SRC: variants seen among roughly 807,000 people sequenced by gnomAD.
SRC encodes the protein proto-oncogene tyrosine-protein kinase Src.
In SRC, 13 loss-of-function variants were observed where a neutral mutation model predicts 62.9. That is an observed-to-expected ratio of 0.21 (90% CI 0.13 to 0.33). The LOEUF is 0.33. Among genes scored for constraint, SRC ranks in the 10% least tolerant of loss-of-function variants. SRC has a pLI of 1.00. For synonymous variants in SRC, 302 were observed against 317.5 expected (o/e 0.95, Z 0.52); for missense variants, 457 against 737.3 (o/e 0.62, Z 4.40).
intron 5 of SRC, 89 bp downstream of exon 5, chr20:37,386,263 A>G (rs2070453787): frequency 7.9e-7 from 1 of 1,267,670 alleles, no homozygotes; most frequent in Non-Finnish European, 1.2e-6. Flanking sequence ...GCATCAGGGC[A>G]GCACAGTGCA....
Position 37,403,665 on chromosome 20 carries a change from G to A in SRC, c.*286G>A. On this transcript the variant is annotated 3_prime_UTR_variant, in exon 14 of 14. Coordinates refer to ENST00000373578, the MANE Select transcript of SRC (RefSeq NM_198291.3). The surrounding 1 kb of genome is among the most constrained non-coding windows in gnomAD (Gnocchi z 7.1). The stretch of plus-strand genomic sequence containing the variant: ...CCTGGAGCTCTGTGGGTCTCTGGAA[G>A]AGGAACCAGGAGAAGGGCTGGGGCC... 2 of 473,518 alleles carry A rather than the reference G, an allele frequency of 4.2e-6. No individual in the cohort carries two copies. Among genetic ancestry groups the A allele is most frequent in the Non-Finnish European group, 7.7e-6 (2 of 260,066 alleles). 29.3% of individuals were successfully genotyped at this position (473,518 alleles called of 1,614,324 possible).
chr20:37,373,233 T>C (rs533705336), intron 2 of SRC, among the ~76,000 whole-genome samples: 17 of 137,514 alleles, frequency 1.2e-4, no homozygotes, highest in Admixed American at 7.7e-4. Flanking sequence ...CGTACACACA[T>C]GCACATATGT....
intron 2 of SRC, among the ~76,000 whole-genome samples, chr20:37,374,571 CTTTTTTTTTTTT>C (rs71187927): frequency 1.1e-5 from 1 of 88,964 alleles, no homozygotes; most frequent in East Asian, 3.6e-4. Flanking sequence ...TAATAATACT[CTTTTTTTTTTTT>C]TTTTTTTTTG....
At chr20:37,365,866 G>A (rs907412624) in intron 2 of SRC, among the ~76,000 whole-genome samples, 7 of 152,018 alleles carry the variant, frequency 4.6e-5, no homozygotes, top group African/African-American at 1.7e-4. Flanking sequence ...TTATAGGTAT[G>A]AGCCATCATC....
At chr20:37,385,293 C>G (rs1410732423) in intron 4 of SRC, among the ~76,000 whole-genome samples, 1 of 152,320 alleles carries the variant, frequency 6.6e-6, no homozygotes, top group East Asian at 1.9e-4. Flanking sequence ...ACCCTTCAGA[C>G]GCAGACGCAC....
intron 2 of SRC, among the ~76,000 whole-genome samples, chr20:37,373,248 ACG>A (rs543680107): frequency 0.23 from 33,518 of 144,812 alleles, 5,384 homozygotes; most frequent in African/African-American, 0.47. Flanking sequence ...ATATGTACAC[ACG>A]CACACACATG....
At chr20:37,394,520 T>A (rs1202125954) in intron 7 of SRC, among the ~76,000 whole-genome samples, 1 of 152,144 alleles carries the variant, frequency 6.6e-6, no homozygotes, top group African/African-American at 2.4e-5. Context: ...AGATAAAAGA[T>A]GAACATAGGT....
At chr20:37,353,951 G>C (rs924805194) in intron 1 of SRC, among the ~76,000 whole-genome samples, 2 of 152,204 alleles carry the variant, frequency 1.3e-5, no homozygotes, top group Admixed American at 6.5e-5. Flanking sequence ...AATGAGCCTA[G>C]TGGTAGAACC....
At chr20:37,388,562 A>G (rs1427046834) in intron 5 of SRC, among the ~76,000 whole-genome samples, 1 of 152,234 alleles carries the variant, frequency 6.6e-6, no homozygotes, top group African/African-American at 2.4e-5. Flanking sequence ...CCTGGGAAAC[A>G]TAGGGAGACC....
chr20:37,354,401 C>T (rs2069850425), intron 1 of SRC, among the ~76,000 whole-genome samples: 1 of 152,102 alleles, frequency 6.6e-6, no homozygotes, highest in East Asian at 1.9e-4. Context: ...GGACTGGGTA[C>T]GGTCATCTCC....
In SRC at chr20:37,402,112, G is replaced by T. The variant is rs769965167; in HGVS notation, c.1117-323G>T. On this transcript the variant is annotated intron_variant, in intron 11 of 13. Transcript: ENST00000373578. This position sits in a 1 kb window ranked among gnomAD's most constrained non-coding sequence, Gnocchi z 6.2. ...GCTCAGAGAGGGGACTTGGGCAGCA[G>T]GCAGGACCTGGCACTCATCTGTGTC... 2.4e-5 allele frequency: 8 copies of T among 339,122 alleles called. No homozygotes were observed. The highest frequency in any genetic ancestry group is 3.2e-5 in the Non-Finnish European group (6 of 186,890). The allele number at this position is 339,122 out of a possible 1,614,324, so 21.0% of individuals were successfully genotyped here.
Position 37,404,903 on chromosome 20 carries a change from C to T in SRC, c.*1524C>T, listed in dbSNP as rs533625909. The stretch of plus-strand genomic sequence containing the variant: ...GTGTGTGTATGTGTGTGCATGTGTG[C>T]GTGTCTCCATGTGCGTCCATATTTA... On this transcript the variant is annotated 3_prime_UTR_variant, in exon 14 of 14. Transcript: ENST00000373578. 39 of 233,676 alleles carry T rather than the reference C, an allele frequency of 1.7e-4. No individual in the cohort carries two copies. In the Admixed American group the frequency reaches 1.7e-3, roughly 10 times the overall value. 14.5% of individuals were successfully genotyped at this position (233,676 alleles called of 1,614,324 possible).
chr20:37,347,710 G>C (rs2069743365), intron 1 of SRC, among the ~76,000 whole-genome samples: 1 of 152,182 alleles, frequency 6.6e-6, no homozygotes, highest in Non-Finnish European at 1.5e-5. Context: ...AATGACAGCT[G>C]CCAACATCTA....
rs143270484 is a variant in SRC, at chr20:37,358,550, G to A, written c.-246-6654G>A. 6.4e-3 allele frequency among the ~76,000 whole-genome samples: 980 copies of A among 152,314 alleles called. 10 individuals carry two copies. Among genetic ancestry groups the A allele is most frequent in the African/African-American group, 0.022 (914 of 41,562 alleles). On this transcript the variant is annotated intron_variant, in intron 1 of 13. Transcript: ENST00000373578. ...TCACCTCTCCTTGCCCTCTTCAGGC[G>A]CCACCCACTTCCAGGCAGTACGCTT...
chr20:37,388,409 C>A (rs932809329), intron 5 of SRC, among the ~76,000 whole-genome samples: 7 of 152,124 alleles, frequency 4.6e-5, no homozygotes, highest in African/African-American at 1.7e-4. Context: ...GGATTGGGAG[C>A]CCCTCCTCAT....
chr20:37,371,190 T>A (rs6066087), intron 2 of SRC, among the ~76,000 whole-genome samples: 100,760 of 151,998 alleles, frequency 0.66, 35,716 homozygotes, highest in African/African-American at 0.91. Context: ...GTTTCACCAT[T>A]TACGTGTGGC....
chr20:37,351,541 G>T lies in SRC; in HGVS notation c.-247+5286G>T, dbSNP rs556921773. ...AGGCTGGCACAGGCAGAATCCAGTT[G>T]CTGGGAGTGGAAATTGAGCTGGAGT... On this transcript the variant is annotated intron_variant, in intron 1 of 13. Coordinates refer to ENST00000373578, the MANE Select transcript of SRC (RefSeq NM_198291.3). The surrounding 1 kb of genome is among the most constrained non-coding windows in gnomAD (Gnocchi z 4.4). Among the ~76,000 whole-genome samples, 2 of 152,298 alleles carry T rather than the reference G, an allele frequency of 1.3e-5. No individual in the cohort carries two copies. The highest frequency in any genetic ancestry group is 3.9e-4 in the East Asian group (2 of 5,184).
rs184925568 is a variant in SRC at position 37,402,144 on chromosome 20, C to T, written c.1117-291C>T. The T allele has an allele frequency of 4.0e-5, 16 of 397,604 alleles. 1 individual carries two copies. The South Asian group carries it at 4.2e-4, about 10-fold the overall frequency. 24.6% of individuals were successfully genotyped at this position (397,604 alleles called of 1,614,324 possible). ...CCTGGCACTCATCTGTGTCTGGGTC[C>T]GCTGGGGCCTCTTTCCCTGGTCACC... On this transcript the variant is annotated intron_variant, in intron 11 of 13. Transcript: ENST00000373578. This position sits in a 1 kb window ranked among gnomAD's most constrained non-coding sequence, Gnocchi z 6.2.
At position 37,396,146 on chromosome 20, in the gene SRC, C is replaced by G; in HGVS notation, c.554-16C>G. ...GAGAGGGCATGGCGGTCACGGCTCC[C>G]CTCGGTGCCCCGCAGGTGCCTACTG... On this transcript the variant is annotated splice_polypyrimidine_tract_variant and intron_variant, in intron 7 of 13. Transcript: ENST00000373578. This position sits in a 1 kb window ranked among gnomAD's most constrained non-coding sequence, Gnocchi z 6.1. 1 of 1,609,726 alleles carries G rather than the reference C, an allele frequency of 6.2e-7. No individual in the cohort carries two copies.
Sources: allele counts gnomAD v4.1 joint callset (sites outside exome capture counted in the v4.1 genomes callset), GRCh38; gene constraint gnomAD v4.1.1; non-coding constraint Gnocchi (gnomAD v3.1); transcripts MANE v1.5; gene names NCBI Gene and HGNC (gene_info 2026-07-23, HGNC 2026-07-21).